The following NUP205 variants were observed in gnomAD, a reference collection of about 807,000 sequenced individuals.
NUP205 encodes nuclear pore complex protein Nup205.
In NUP205, 76 loss-of-function variants were observed where a neutral mutation model predicts 253.8. That is an observed-to-expected ratio of 0.30 (90% CI 0.25 to 0.36). The LOEUF is 0.36. Among genes scored for constraint, NUP205 ranks in the 10% least tolerant of loss-of-function variants. The pLI, the probability that NUP205 is intolerant of heterozygous loss-of-function variation, is 1.00. For synonymous variants in NUP205, 832 were observed against 850.1 expected (o/e 0.98, Z 0.37); for missense variants, 2,162 against 2,425.5 (o/e 0.89, Z 2.28).
Position 135,614,242 on chromosome 7 carries a change from C to G in NUP205, c.3279C>G (p.Ser1093=). 1 of 1,607,340 alleles carries G rather than the reference C, an allele frequency of 6.2e-7. No individual in the cohort carries two copies. Among genetic ancestry groups the G allele is most frequent in the Non-Finnish European group, 8.5e-7 (1 of 1,174,148 alleles). ...YLRTSQDFLF[S]QLQYLPFSNK... ...GAACCAGCCAGGATTTCTTATTTTC[C>G]CAGTTGCAGTATCTACCATTTTCTA... Residue 1093 remains serine, a synonymous_variant, in exon 23 of 43, where the codon TCC becomes TCG. Coordinates refer to ENST00000285968, the MANE Select transcript of NUP205 (RefSeq NM_015135.3).
chr7:135,633,265 A>G (rs887066994), intron 35 of NUP205, among the ~76,000 whole-genome samples: 2 of 150,838 alleles, frequency 1.3e-5, no homozygotes, highest in African/African-American at 4.9e-5. Flanking sequence ...CGCCTGGCCT[A>G]TTTGTTTGTT....
In NUP205 at chr7:135,602,909, G is replaced by C. The variant is rs760182829; in HGVS notation, c.2617G>C (p.Ala873Pro). ...FMDLLRESQLALIVCPLEQLL... is the reference protein window; with the variant it reads ...FMDLLRESQLPLIVCPLEQLL... The stretch of plus-strand genomic sequence containing the variant: ...GGACCTTCTAAGAGAGAGTCAACTG[G>C]CTCTAATAGTCTGTCCTTTAGAACA... Residue 873 changes from alanine to proline, a missense_variant, in exon 18 of 43, where the codon GCT becomes CCT. Physicochemically the swap from Ala to Pro is conservative, Grantham distance 27. This residue lies in a region of NUP205 where 892 missense variants were observed against 957.1 expected (regional missense o/e 0.93). Coordinates refer to ENST00000285968, the MANE Select transcript of NUP205 (RefSeq NM_015135.3). 4.3e-6 allele frequency: 7 copies of C among 1,613,270 alleles called. No individual in the cohort carries two copies. The South Asian group carries it at 7.7e-5, about 18-fold the overall frequency.
intron 7 of NUP205, among the ~76,000 whole-genome samples, chr7:135,583,751 C>T (rs1584649987): frequency 6.6e-6 from 1 of 151,858 alleles, no homozygotes; most frequent in East Asian, 1.9e-4. Flanking sequence ...AGAGCGAGAC[C>T]CTGTCTCAAA....
At chr7:135,628,661 A>T (rs541294006) in intron 34 of NUP205, among the ~76,000 whole-genome samples, 123 of 152,344 alleles carry the variant, frequency 8.1e-4, no homozygotes, top group African/African-American at 2.9e-3. Context: ...ACATTTTTTT[A>T]AAAATTAATA....
Position 135,606,813 on chromosome 7 carries a change from C to G in NUP205, c.2968C>G (p.Leu990Val), listed in dbSNP as rs761560315. The G allele has an allele frequency of 6.2e-7, 1 of 1,613,668 alleles. No individual in the cohort carries two copies. Among genetic ancestry groups the G allele is most frequent in the Non-Finnish European group, 8.5e-7 (1 of 1,179,622 alleles). ...RHETRIHILN[L>V]LITSLECNPP... Reference sequence around the variant, plus strand: ...TGAAACAAGAATCCACATCTTGAATCTTCTCATTACCTCTCTGGAATGCAA... The same window carrying G: ...TGAAACAAGAATCCACATCTTGAATGTTCTCATTACCTCTCTGGAATGCAA... Residue 990 changes from leucine (L) to valine (V), a missense_variant, in exon 21 of 43, where the codon CTT (leucine) becomes GTT (valine). Leu to Val is a conservative substitution (Grantham distance 32). This residue lies in a region of NUP205 where 1,144 missense variants were observed against 1,280.9 expected (regional missense o/e 0.89). Coordinates refer to ENST00000285968, the MANE Select transcript of NUP205 (RefSeq NM_015135.3).
chr7:135,588,201 C>T lies in NUP205; in HGVS notation c.1473+209C>T, dbSNP rs184641027. The stretch of plus-strand genomic sequence containing the variant: ...TGTCACCTAGGCTGGAGTGCAGTGA[C>T]GCGATCTCAGCTCACTGTAGCTTTG... On this transcript the variant is annotated intron_variant, in intron 10 of 42. Transcript: ENST00000285968. 1.4e-3 allele frequency among the ~76,000 whole-genome samples: 203 copies of T among 142,050 alleles called. 3 individuals carry two copies. The highest frequency in any genetic ancestry group is 2.3e-3 in the Non-Finnish European group (147 of 62,948). The allele number at this position is 142,050 out of a possible 152,430, so 93.2% of individuals were successfully genotyped here. A position where few individuals can be genotyped will look rare whatever the true frequency, so the allele number is the denominator to read the frequency against.
intron 4 of NUP205, 47 bp from the exon 5 acceptor site, chr7:135,576,904 CTATTATTATGAAGAAGCA>C: frequency 6.8e-7 from 1 of 1,479,776 alleles, no homozygotes; most frequent in Non-Finnish European, 9.2e-7. Flanking sequence ...TTTGCTATAC[CTATTATTATGAAGAAGCA>C]TAAACAATAT....
intron 1 of NUP205, among the ~76,000 whole-genome samples, chr7:135,570,693 TATAATTAATTATATTAA>T (rs1805941535): frequency 1.2e-5 from 1 of 80,012 alleles, no homozygotes; most frequent in Admixed American, 2.5e-4. Flanking sequence ...ATTATATTAA[TATAATTAATTATATTAA>T]TATAATTAAT....
chr7:135,611,251 C>G (rs1462811254), intron 22 of NUP205, among the ~76,000 whole-genome samples: 1 of 152,118 alleles, frequency 6.6e-6, no homozygotes, highest in Non-Finnish European at 1.5e-5. Context: ...CTCAGGTGAT[C>G]CGTCCACCTT....
intron 7 of NUP205, among the ~76,000 whole-genome samples, chr7:135,581,735 C>T (rs1806309924): frequency 6.6e-6 from 1 of 151,520 alleles, no homozygotes; most frequent in Admixed American, 6.6e-5. Context: ...TGCCTGTAAT[C>T]CCAGCTGCTT....
At position 135,576,272 on chromosome 7, in the gene NUP205, G is replaced by A; in HGVS notation, c.346G>A (p.Glu116Lys). The change falls in exon 4 of 43, where the codon GAG becomes AAG. Residue 116 changes from glutamate (E) to lysine (K), a missense_variant and splice_region_variant. By Grantham distance (56) the Glu-to-Lys change is moderately conservative. Transcript: ENST00000285968. ...LAAVELLLAG[E>K]HQQPHFPGLT... ...TATTTCTCAACTTCCTTTTTTAGGA[G>A]AGCATCAACAGCCACATTTTCCTGG... 1 of 1,611,528 alleles carries A rather than the reference G, an allele frequency of 6.2e-7. No homozygotes were observed. The highest frequency in any genetic ancestry group is 8.5e-7 in the Non-Finnish European group (1 of 1,178,930).
intron 33 of NUP205, 152 bp from the exon 34 acceptor site, chr7:135,627,821 A>C: frequency 3.0e-4 from 163 of 540,552 alleles, no homozygotes; most frequent in Middle Eastern, 1.0e-3. Context: ...CTTTCTCTGG[A>C]CCGCGGATGT....
intron 1 of NUP205, among the ~76,000 whole-genome samples, chr7:135,559,877 G>T (rs1197285673): frequency 6.7e-6 from 1 of 150,192 alleles, no homozygotes; most frequent in Non-Finnish European, 1.5e-5. Context: ...ATTTTTTTTT[G>T]AGATGGAGTC....
chr7:135,606,192 T>C lies in NUP205; in HGVS notation c.2871T>C (p.Cys957=), dbSNP rs780684803. 1 of 1,613,178 alleles carries C rather than the reference T, an allele frequency of 6.2e-7. No homozygotes were observed. Among genetic ancestry groups the C allele is most frequent in the Non-Finnish European group, 8.5e-7 (1 of 1,179,256 alleles). The change falls in exon 20 of 43, where the codon TGT becomes TGC. Residue 957 remains cysteine, a synonymous_variant. Coordinates refer to ENST00000285968, the MANE Select transcript of NUP205 (RefSeq NM_015135.3). The part of the protein sequence containing the change: ...LMAGFVECLD[C]EDAEEFVRLE... ...CTGGATTTGTGGAGTGTTTGGATTG[T>C]GAAGATGCAGAAGAATTTGTACGTC...
At chr7:135,626,820 C>T (rs558752172) in intron 33 of NUP205, among the ~76,000 whole-genome samples, 61 of 152,152 alleles carry the variant, frequency 4.0e-4, no homozygotes, top group African/African-American at 1.4e-3. Flanking sequence ...GTTTCACATT[C>T]GATTTGAATG....
Position 135,617,124 on chromosome 7 carries a change from T to C in NUP205, c.3567T>C (p.Ile1189=), listed in dbSNP as rs764092352. 1 of 1,613,256 alleles carries C rather than the reference T, an allele frequency of 6.2e-7. No homozygotes were observed. Among genetic ancestry groups the C allele is most frequent in the Non-Finnish European group, 8.5e-7 (1 of 1,179,670 alleles). Residue 1189 remains isoleucine, a synonymous_variant, in exon 26 of 43, where the codon ATT becomes ATC. Coordinates refer to ENST00000285968, the MANE Select transcript of NUP205 (RefSeq NM_015135.3). ...AAATTCTAAATATTCTTGACTCGAT[T>C]GACTTCAGTCAGGAGATCCCTGAGC... ...RRKILNILDS[I]DFSQEIPEPL... is the part of the protein sequence containing the mutation.
intron 21 of NUP205, 44 bp downstream of exon 21, chr7:135,606,959 T>C: frequency 6.4e-7 from 1 of 1,565,160 alleles, no homozygotes; most frequent in Non-Finnish European, 8.8e-7. Flanking sequence ...TCCATATTTG[T>C]GTATCTCAGG....
intron 6 of NUP205, 139 bp from the exon 7 acceptor site, chr7:135,578,612 G>A: frequency 1.8e-6 from 1 of 565,792 alleles, no homozygotes; most frequent in Non-Finnish European, 3.0e-6. Context: ...TACCTTTTGG[G>A]ATGTAGAAAT....
chr7:135,638,693 G>A lies in NUP205; in HGVS notation c.5392+10G>A, dbSNP rs1177354111. 3 of 1,614,110 alleles carry A rather than the reference G, an allele frequency of 1.9e-6. No individual in the cohort carries two copies. The highest frequency in any genetic ancestry group is 2.2e-5 in the South Asian group (2 of 91,082). On this transcript the variant is annotated intron_variant, in intron 38 of 42. Transcript: ENST00000285968. ...GATGGACCGCGGCAAGGTGAGCTTA[G>A]TTTTTCATTCTGTATTGAAGGAACT...
Sources: allele counts gnomAD v4.1 joint callset (sites outside exome capture counted in the v4.1 genomes callset), GRCh38; gene constraint gnomAD v4.1.1; regional missense constraint gnomAD v4.1.1; transcripts MANE v1.5; gene names NCBI Gene and HGNC (gene_info 2026-07-23, HGNC 2026-07-21).